The following HPS5 variants were observed in gnomAD, a reference collection of about 807,000 sequenced individuals.
HPS5 encodes the protein HPS5 biogenesis of lysosomal organelles complex 2 subunit 2.
A neutral mutation model predicts 128.0 loss-of-function variants in HPS5; 83 were observed. That is an observed-to-expected ratio of 0.65 (90% CI 0.54 to 0.78). The LOEUF is 0.78. HPS5 is among the 30% of genes least tolerant of loss of function. The pLI, the probability that HPS5 is intolerant of heterozygous loss-of-function variation, is 0.00. For missense variants in HPS5, 1,281 were observed against 1,326.2 expected, an observed-to-expected ratio of 0.97 and a Z score of 0.53; for synonymous variants, 475 against 470.2, an observed-to-expected ratio of 1.01 and a Z score of -0.13.
At chr11:18,312,125 C>G in intron 2 of HPS5, 101 bp from the exon 3 acceptor site, 1 of 885,280 alleles carries the variant, frequency 1.1e-6, no homozygotes, top group Non-Finnish European at 1.9e-6. Context: ...CAGGCTCCTT[C>G]CCTCACTTTA....
chr11:18,308,832 G>GAAA lies in HPS5; in HGVS notation c.611+111_611+113dup, dbSNP rs1590126490. On this transcript the variant is annotated intron_variant, in intron 6 of 22. Coordinates refer to ENST00000349215, the MANE Select transcript of HPS5 (RefSeq NM_181507.2). ...CCCCATCTCAAAAAAAGAAAAAAAAGAAAAAGAAAAAAAATCTGTATAACT... is the reference window on the plus strand; with the variant it reads ...CCCCATCTCAAAAAAAGAAAAAAAAGAAAAAAAAGAAAAAAAATCTGTATAACT... The GAAA allele has an allele frequency of 2.3e-5, 23 of 993,964 alleles. No homozygotes were observed. In the East Asian group the frequency reaches 6.8e-4, roughly 29 times the overall value. 61.6% of individuals were successfully genotyped at this position (993,964 alleles called of 1,614,324 possible). A position where few individuals can be genotyped will look rare whatever the true frequency, so the allele number is the denominator to read the frequency against.
chr11:18,281,313 C>T (rs1292899710), intron 22 of HPS5, among the ~76,000 whole-genome samples: 5 of 149,278 alleles, frequency 3.3e-5, no homozygotes, highest in Non-Finnish European at 7.4e-5. Flanking sequence ...AGGCTGGTCT[C>T]GAACTCCTGA....
chr11:18,280,781 C>T, intron 22 of HPS5: 1 of 469,224 alleles, frequency 2.1e-6, no homozygotes, highest in Non-Finnish European at 3.8e-6. Context: ...TGAAAACAGG[C>T]TGGTCACAAA....
chr11:18,281,255 A>ATTT (rs1236371776), intron 22 of HPS5, among the ~76,000 whole-genome samples: 22 of 99,950 alleles, frequency 2.2e-4, no homozygotes, highest in African/African-American at 6.6e-4. Flanking sequence ...ATTTTTTTGC[A>ATTT]TTTTTTTTTT....
intron 1 of HPS5, among the ~76,000 whole-genome samples, 177 bp downstream of exon 1, chr11:18,321,769 G>T (rs1378679342): frequency 6.6e-6 from 1 of 152,124 alleles, no homozygotes; most frequent in Non-Finnish European, 1.5e-5. Flanking sequence ...AAGAAGAAAT[G>T]ATCAGAAAAC....
chr11:18,290,876 C>T (rs1424646283), intron 16 of HPS5, among the ~76,000 whole-genome samples: 1 of 152,138 alleles, frequency 6.6e-6, no homozygotes, highest in Non-Finnish European at 1.5e-5. Flanking sequence ...GAGCCATGAT[C>T]ACACCACTGC....
At position 18,295,129 on chromosome 11, in the gene HPS5, T is replaced by C. The variant is rs1860905913; in HGVS notation, c.1675A>G (p.Thr559Ala). ...TTCAGATCAGGGCTCGTGTGAAGGG[T>C]GCCAATCTTCTCAGTAGTTTTACGC... Reference protein sequence around the residue: ...FVRKTTEKIGTLHTSPDLKVR... With the variant: ...FVRKTTEKIGALHTSPDLKVR... Residue 559 changes from threonine to alanine, a missense_variant, in exon 14 of 23, where the codon ACC becomes GCC. By Grantham distance (58) the Thr-to-Ala change is moderately conservative. Coordinates refer to ENST00000349215, the MANE Select transcript of HPS5 (RefSeq NM_181507.2). The C allele has an allele frequency of 6.2e-7, 1 of 1,614,086 alleles. No individual in the cohort carries two copies. The highest frequency in any genetic ancestry group is 8.5e-7 in the Non-Finnish European group (1 of 1,180,020).
intron 3 of HPS5, 57 bp from the exon 4 acceptor site, chr11:18,311,508 A>ATTTTTTTTT (rs778669578): frequency 9.0e-6 from 7 of 780,140 alleles, no homozygotes; most frequent in Admixed American, 3.9e-5. Flanking sequence ...TATTATTATT[A>ATTTTTTTTT]TTATTTTTTT....
At chr11:18,286,389 TA>T (rs1859725087) in intron 19 of HPS5, among the ~76,000 whole-genome samples, 1 of 151,978 alleles carries the variant, frequency 6.6e-6, no homozygotes, top group African/African-American at 2.4e-5. Flanking sequence ...TACAAAAAAT[TA>T]GCCGGGCAGA....
At chr11:18,310,394 T>C (rs1341406071) in intron 5 of HPS5, among the ~76,000 whole-genome samples, 1 of 152,260 alleles carries the variant, frequency 6.6e-6, no homozygotes, top group African/African-American at 2.4e-5. Context: ...GTCATTTCTA[T>C]GTTTGTCACT....
chr11:18,321,804 G>C (rs960661568), intron 1 of HPS5, 142 bp downstream of exon 1: 2 of 152,122 alleles, frequency 1.3e-5, no homozygotes, highest in African/African-American at 4.8e-5. Flanking sequence ...GACAAATGGC[G>C]ACTGACTCAT....
chr11:18,296,100 C>G lies in HPS5; in HGVS notation c.1533G>C (p.Val511=). ...TTTCATTCTTATCTGTCTCAAACATCACTGGAGCATGAGAAACATTGTCTA... is the reference window on the plus strand; with the variant it reads ...TTTCATTCTTATCTGTCTCAAACATGACTGGAGCATGAGAAACATTGTCTA... ...GNEDNVSHAP[V]MFETDKNETF... The change falls in exon 13 of 23, where the codon GTG becomes GTC. Residue 511 remains valine, a synonymous_variant. Coordinates refer to ENST00000349215, the MANE Select transcript of HPS5 (RefSeq NM_181507.2). 1.2e-6 allele frequency: 2 copies of G among 1,613,306 alleles called. No individual in the cohort carries two copies. The highest frequency in any genetic ancestry group is 2.7e-5 in the African/African-American group (2 of 74,988).
At chr11:18,301,807 A>C (rs1432854507) in intron 8 of HPS5, among the ~76,000 whole-genome samples, 1 of 152,180 alleles carries the variant, frequency 6.6e-6, no homozygotes, top group Admixed American at 6.5e-5. Context: ...GAAAAAGCTA[A>C]GGCTCAGAGA....
At chr11:18,320,779 G>C (rs1450393333) in intron 1 of HPS5, among the ~76,000 whole-genome samples, 2 of 152,170 alleles carry the variant, frequency 1.3e-5, no homozygotes, top group Non-Finnish European at 2.9e-5. Context: ...GCCCAGAATA[G>C]AGTAGAAACA....
At position 18,282,229 on chromosome 11, in the gene HPS5, A is replaced by G. The variant is rs1215150881; in HGVS notation, c.3059-9T>C. On this transcript the variant is annotated splice_polypyrimidine_tract_variant and intron_variant, in intron 21 of 22. Coordinates refer to ENST00000349215, the MANE Select transcript of HPS5 (RefSeq NM_181507.2). ...GGTCTCTGGGATCCAACCTAAACAC[A>G]CACAGGGAAGTGTCAGTTTGACCAC... 2 of 1,613,840 alleles carry G rather than the reference A, an allele frequency of 1.2e-6. No individual in the cohort carries two copies. The highest frequency in any genetic ancestry group is 1.1e-5 in the South Asian group (1 of 91,066).
intron 21 of HPS5, among the ~76,000 whole-genome samples, chr11:18,282,443 T>A (rs1454228600): frequency 6.6e-6 from 1 of 151,548 alleles, no homozygotes; most frequent in Non-Finnish European, 1.5e-5. Flanking sequence ...TTTTTTTTTT[T>A]AAAGAGAGAC....
chr11:18,308,921 G>C, intron 6 of HPS5, 25 bp downstream of exon 6: 1 of 1,612,594 alleles, frequency 6.2e-7, no homozygotes, highest in Non-Finnish European at 8.5e-7. Flanking sequence ...CTGCATTTCT[G>C]ATGACTAATG....
At chr11:18,302,589 T>C (rs895421349) in intron 8 of HPS5, among the ~76,000 whole-genome samples, 1 of 152,150 alleles carries the variant, frequency 6.6e-6, no homozygotes, top group African/African-American at 2.4e-5. Flanking sequence ...TATATTTCTT[T>C]TTCCTTTATG....
At chr11:18,286,946 A>C in intron 18 of HPS5, 1 of 615,020 alleles carries the variant, frequency 1.6e-6, no homozygotes, top group Non-Finnish European at 2.8e-6. Flanking sequence ...GAGAGAAAGA[A>C]AGAGACAAAT....
Sources: allele counts gnomAD v4.1 joint callset (sites outside exome capture counted in the v4.1 genomes callset), GRCh38; gene constraint gnomAD v4.1.1; transcripts MANE v1.5; gene names NCBI Gene and HGNC (gene_info 2026-07-23, HGNC 2026-07-21).